Variants in ZNF148 observed in about 807,000 individuals in gnomAD.
ZNF148 encodes Beta-Enolase Repressor Factor-1.
In ZNF148, 7 loss-of-function variants were observed where a neutral mutation model predicts 67.7. That is an observed-to-expected ratio of 0.10 (90% CI 0.06 to 0.19). The LOEUF is 0.19. Among genes scored for constraint, ZNF148 ranks in the 10% least tolerant of loss-of-function variants. ZNF148 has a pLI of 1.00. For missense variants in ZNF148, 583 were observed against 947.1 expected, an observed-to-expected ratio of 0.62 and a Z score of 5.05; for synonymous variants, 333 against 330.7, an observed-to-expected ratio of 1.01 and a Z score of -0.08.
At chr3:125,362,195 T>C (rs1398419304) in intron 1 of ZNF148, among the ~76,000 whole-genome samples, 1 of 152,240 alleles carries the variant, frequency 6.6e-6, no homozygotes, top group East Asian at 1.9e-4. Context: ...ATCATTTTCA[T>C]ATTTAAATCC....
rs542268422 is a variant in ZNF148 at position 125,349,803 on chromosome 3, TGC to T, written c.-233-18567_-233-18566del. Among the ~76,000 whole-genome samples the T allele has an allele frequency of 6.0e-3, 915 of 152,308 alleles. 6 individuals are homozygous for T. The highest frequency in any genetic ancestry group is 8.3e-3 in the Non-Finnish European group (568 of 68,026). ...TTGCAGTGAGCTATGATCTCACCAC[TGC>T]ACTACAGCTCAGATGACAGAGCCAG... is the stretch of plus-strand genomic sequence containing the variant. On this transcript the variant is annotated intron_variant, in intron 1 of 8. Transcript: ENST00000360647.
At chr3:125,351,563 A>G (rs1338605226) in intron 1 of ZNF148, among the ~76,000 whole-genome samples, 2 of 152,158 alleles carry the variant, frequency 1.3e-5, no homozygotes, top group African/African-American at 4.8e-5. Context: ...TTTTATTACA[A>G]TAAGAAAATT....
chr3:125,310,343 T>G (rs1940134304), intron 4 of ZNF148, among the ~76,000 whole-genome samples: 1 of 152,030 alleles, frequency 6.6e-6, no homozygotes, highest in South Asian at 2.1e-4. Flanking sequence ...CCTCCCAAAG[T>G]GCTGAGATTA....
At chr3:125,306,038 G>A (rs1224087812) in intron 4 of ZNF148, among the ~76,000 whole-genome samples, 1 of 151,752 alleles carries the variant, frequency 6.6e-6, no homozygotes, top group Non-Finnish European at 1.5e-5. Context: ...AAAGATATCT[G>A]GAAAACTTCA....
intron 4 of ZNF148, among the ~76,000 whole-genome samples, chr3:125,307,636 T>C (rs954851829): frequency 6.6e-5 from 10 of 151,904 alleles, no homozygotes; most frequent in African/African-American, 2.4e-5. Context: ...AAGTAATCTA[T>C]GAAAAACCTA....
intron 1 of ZNF148, among the ~76,000 whole-genome samples, chr3:125,362,807 A>T (rs1211023135): frequency 1.3e-5 from 2 of 152,154 alleles, no homozygotes; most frequent in Non-Finnish European, 2.9e-5. Flanking sequence ...TGCCCACCTC[A>T]GCCTCCCGAA....
At chr3:125,258,297 TGCCTGTATTCCCA>T (rs1937183873) in intron 7 of ZNF148, among the ~76,000 whole-genome samples, 1 of 151,616 alleles carries the variant, frequency 6.6e-6, no homozygotes, top group Non-Finnish European at 1.5e-5. Context: ...TGGTGGCAGG[TGCCTGTATTCCCA>T]GCTACTCGGG....
rs369158861 is a variant in ZNF148 at position 125,333,297 on chromosome 3, GA to G, written c.-233-2060del. On this transcript the variant is annotated intron_variant, in intron 1 of 8. Coordinates refer to ENST00000360647, the MANE Select transcript of ZNF148 (RefSeq NM_021964.3). The stretch of plus-strand genomic sequence containing the variant: ...AAAAATAAAATAGTGAAGCAAGAAG[GA>G]AAAGGAAACGTGCATACACACAAAA... Among the ~76,000 whole-genome samples the G allele has an allele frequency of 3.6e-3, 550 of 152,288 alleles. 6 individuals carry two copies. Among genetic ancestry groups the G allele is most frequent in the African/African-American group, 0.012 (517 of 41,564 alleles).
intron 1 of ZNF148, among the ~76,000 whole-genome samples, chr3:125,332,508 T>G (rs1286023504): frequency 1.3e-5 from 2 of 152,182 alleles, no homozygotes; most frequent in Non-Finnish European, 2.9e-5. Flanking sequence ...GGTAGCCAAT[T>G]AAACCTAACT....
chr3:125,251,810 A>G lies in ZNF148; in HGVS notation c.668-17481T>C, dbSNP rs553133989. Among the ~76,000 whole-genome samples the G allele has an allele frequency of 1.1e-4, 16 of 152,288 alleles. No individual in the cohort carries two copies. The South Asian group carries it at 3.1e-3, about 30-fold the overall frequency. ...AAATATGTATGCAATTATATAGGGT[A>G]TATAGCTAGGAGTGGAAATGGCAGA... On this transcript the variant is annotated intron_variant, in intron 7 of 8. Transcript: ENST00000360647.
intron 3 of ZNF148, among the ~76,000 whole-genome samples, chr3:125,318,432 C>T (rs1292949528): frequency 6.6e-6 from 1 of 151,988 alleles, no homozygotes; most frequent in African/African-American, 2.4e-5. Flanking sequence ...AGGGATACTA[C>T]ACAGAAGAGA....
intron 3 of ZNF148, among the ~76,000 whole-genome samples, chr3:125,319,447 C>A (rs1940673347): frequency 6.6e-6 from 1 of 152,116 alleles, no homozygotes; most frequent in Non-Finnish European, 1.5e-5. Flanking sequence ...CACTACTACT[C>A]ATTTTTAATC....
chr3:125,315,449 C>T (rs1221394707), intron 3 of ZNF148, among the ~76,000 whole-genome samples: 1 of 152,028 alleles, frequency 6.6e-6, no homozygotes, highest in Non-Finnish European at 1.5e-5. Context: ...TGGCTCACGT[C>T]TGTCATCCCA....
intron 8 of ZNF148, 54 bp downstream of exon 8, chr3:125,234,151 TAATTTA>T (rs1039156318): frequency 2.7e-5 from 34 of 1,275,146 alleles, no homozygotes; most frequent in Non-Finnish European, 3.4e-5. Context: ...TTTTCTAATC[TAATTTA>T]TAATTATTGT....
chr3:125,254,408 T>A (rs1302931887), intron 7 of ZNF148, among the ~76,000 whole-genome samples: 1 of 152,214 alleles, frequency 6.6e-6, no homozygotes, highest in Non-Finnish European at 1.5e-5. Context: ...GTTATTCAGA[T>A]CTCACAGATT....
At chr3:125,262,774 T>C (rs886208843) in intron 7 of ZNF148, among the ~76,000 whole-genome samples, 1 of 152,222 alleles carries the variant, frequency 6.6e-6, no homozygotes, top group Non-Finnish European at 1.5e-5. Context: ...TCAGCTTCCA[T>C]AGCTGACAGA....
In ZNF148 at chr3:125,226,996, T is replaced by C. The variant is rs1482248818; in HGVS notation, c.*5345A>G. 1 of 152,210 alleles carries C rather than the reference T, an allele frequency of 6.6e-6. No homozygotes were observed. Among genetic ancestry groups the C allele is most frequent in the South Asian group, 2.1e-4 (1 of 4,834 alleles). The allele number at this position is 152,210 out of a possible 1,614,324, so 9.4% of individuals were successfully genotyped here. A position where few individuals can be genotyped will look rare whatever the true frequency, so the allele number is the denominator to read the frequency against. On this transcript the variant is annotated 3_prime_UTR_variant, in exon 9 of 9. Transcript: ENST00000360647. The stretch of plus-strand genomic sequence containing the variant: ...AGAGGGGAAGGAAAGACCCATTTTG[T>C]ATCTGATCCCGAGTTTGCAGTTGAG...
chr3:125,279,339 G>T (rs945136205), intron 5 of ZNF148, 92 bp from the exon 6 acceptor site: 14 of 984,790 alleles, frequency 1.4e-5, no homozygotes, highest in Non-Finnish European at 1.1e-5. Context: ...TGCAAACAAC[G>T]GTCACCACAG....
intron 3 of ZNF148, among the ~76,000 whole-genome samples, chr3:125,319,280 G>C (rs1940666202): frequency 6.6e-6 from 1 of 152,168 alleles, no homozygotes; most frequent in Admixed American, 6.5e-5. Flanking sequence ...AGTTGAAACA[G>C]AGTAAACAGT....
Sources: allele counts gnomAD v4.1 joint callset (sites outside exome capture counted in the v4.1 genomes callset), GRCh38; gene constraint gnomAD v4.1.1; transcripts MANE v1.5; gene names NCBI Gene and HGNC (gene_info 2026-07-23, HGNC 2026-07-21).